The following SLIT3 variants were observed in gnomAD, a reference collection of about 807,000 sequenced individuals.
The protein encoded by SLIT3 is slit guidance ligand 3.
In SLIT3, 68 loss-of-function variants were observed where a neutral mutation model predicts 184.0. That is an observed-to-expected ratio of 0.37 (90% CI 0.30 to 0.45). SLIT3 has a LOEUF of 0.45. Ranked by LOEUF, SLIT3 falls within the 20% of genes least tolerant of loss-of-function variation. The probability of loss-of-function intolerance (pLI) is 1.00; values close to 1 mark genes in which losing one functional copy is unlikely to be tolerated. For synonymous variants in SLIT3, 831 were observed against 828.6 expected (o/e 1.00, Z -0.05); for missense variants, 1,707 against 2,026.0 (o/e 0.84, Z 3.02).
chr5:168,671,682 A>AT (rs1761252516), intron 33 of SLIT3, among the ~76,000 whole-genome samples, 199 bp from the exon 34 acceptor site: 1 of 152,230 alleles, frequency 6.6e-6, no homozygotes, highest in Non-Finnish European at 1.5e-5. Flanking sequence ...ACTCCTTAAA[A>AT]AAACGTGAAT....
chr5:169,092,236 C>A (rs1460588421), intron 4 of SLIT3, among the ~76,000 whole-genome samples: 2 of 152,072 alleles, frequency 1.3e-5, no homozygotes, highest in Admixed American at 6.6e-5. Flanking sequence ...AAAAAAGACT[C>A]AGAGGTAGGC....
chr5:168,940,264 T>A (rs1762289092), intron 4 of SLIT3, among the ~76,000 whole-genome samples: 2 of 152,228 alleles, frequency 1.3e-5, no homozygotes, highest in South Asian at 4.1e-4. Context: ...ACTGAAACGA[T>A]GAATTGTTTC....
chr5:169,022,187 A>C (rs1025637863), intron 4 of SLIT3: 1 of 152,278 alleles, frequency 6.6e-6, no homozygotes, highest in Admixed American at 6.5e-5. Flanking sequence ...CGCCTGAAAG[A>C]CAGCCTTCGA....
intron 4 of SLIT3, among the ~76,000 whole-genome samples, chr5:169,151,399 G>A (rs974970851): frequency 3.3e-5 from 5 of 152,104 alleles, no homozygotes; most frequent in Non-Finnish European, 7.4e-5. Context: ...GGGTTCTAAT[G>A]GCCTATCACA....
chr5:169,121,368 C>T (rs1196093301), intron 4 of SLIT3, among the ~76,000 whole-genome samples: 1 of 152,090 alleles, frequency 6.6e-6, no homozygotes, highest in Non-Finnish European at 1.5e-5. Flanking sequence ...GGCTTTAGAC[C>T]CATCGGCCAC....
intron 4 of SLIT3, among the ~76,000 whole-genome samples, chr5:169,073,083 G>T (rs1335652686): frequency 6.6e-6 from 1 of 152,130 alleles, no homozygotes; most frequent in Non-Finnish European, 1.5e-5. Flanking sequence ...AATCCTTCAG[G>T]CCAGATCCTT....
intron 23 of SLIT3, among the ~76,000 whole-genome samples, chr5:168,717,526 A>G (rs2611845): frequency 2.6e-5 from 4 of 152,190 alleles, no homozygotes; most frequent in African/African-American, 7.2e-5. Context: ...CCTGAGGGCA[A>G]CAATTGTGTC....
intron 4 of SLIT3, among the ~76,000 whole-genome samples, chr5:169,110,350 G>C (rs1190624819): frequency 6.6e-6 from 1 of 152,162 alleles, no homozygotes; most frequent in East Asian, 1.9e-4. Context: ...TAACAAAGTA[G>C]GTGCAATTTA....
intron 4 of SLIT3, among the ~76,000 whole-genome samples, chr5:168,996,680 G>A (rs1755521056): frequency 6.6e-6 from 1 of 152,142 alleles, no homozygotes; most frequent in Admixed American, 6.5e-5. Context: ...ATTTTTTAGT[G>A]GCCCTTCATA....
intron 4 of SLIT3, among the ~76,000 whole-genome samples, chr5:169,087,879 A>G (rs1329109173): frequency 6.6e-6 from 1 of 152,202 alleles, no homozygotes; most frequent in Non-Finnish European, 1.5e-5. Context: ...ATAATCAAAA[A>G]TAAGTGTTAG....
At chr5:168,701,780 A>C (rs1309752214) in intron 26 of SLIT3, among the ~76,000 whole-genome samples, 2 of 152,168 alleles carry the variant, frequency 1.3e-5, no homozygotes, top group African/African-American at 4.8e-5. Context: ...GTGGCTTGGC[A>C]CAGACCTGGT....
intron 8 of SLIT3, among the ~76,000 whole-genome samples, chr5:168,810,025 T>A (rs902220293): frequency 7.9e-5 from 12 of 152,260 alleles, no homozygotes; most frequent in South Asian, 4.1e-4. Flanking sequence ...TGAGCCTATC[T>A]CACTTGCACA....
chr5:168,950,860 A>T lies in SLIT3; in HGVS notation c.414-67524T>A, dbSNP rs10078318. ...ATGATTTATCTGCCTCTCATGGCTCAGCACAGTGTCGGATTCCATAAGTTG... is the reference window on the plus strand; with the variant it reads ...ATGATTTATCTGCCTCTCATGGCTCTGCACAGTGTCGGATTCCATAAGTTG... On this transcript the variant is annotated intron_variant, in intron 4 of 35. Coordinates refer to ENST00000519560, the MANE Select transcript of SLIT3 (RefSeq NM_003062.4). Among the ~76,000 whole-genome samples the T allele has an allele frequency of 5.9e-3, 905 of 152,344 alleles. 14 individuals carry two copies. The highest frequency in any genetic ancestry group is 0.021 in the African/African-American group (871 of 41,584).
At chr5:169,083,655 G>C (rs1454913508) in intron 4 of SLIT3, among the ~76,000 whole-genome samples, 3 of 152,266 alleles carry the variant, frequency 2.0e-5, no homozygotes, top group African/African-American at 7.2e-5. Flanking sequence ...GGCTCAGCGG[G>C]GAAGACCAAA....
intron 4 of SLIT3, among the ~76,000 whole-genome samples, chr5:169,104,088 G>C (rs1474786466): frequency 6.6e-6 from 1 of 152,208 alleles, no homozygotes; most frequent in East Asian, 1.9e-4. Context: ...CCCACAACAT[G>C]CTTCTCACTT....
intron 5 of SLIT3, among the ~76,000 whole-genome samples, chr5:168,868,773 G>GAA (rs1305177837): frequency 2.1e-5 from 3 of 144,258 alleles, no homozygotes; most frequent in African/African-American, 7.8e-5. Flanking sequence ...AAAAGAAAAA[G>GAA]AAAAAGAAAA....
chr5:169,280,566 G>A (rs1766963535), intron 1 of SLIT3, among the ~76,000 whole-genome samples: 1 of 152,148 alleles, frequency 6.6e-6, no homozygotes. Context: ...TGTAGTCTGG[G>A]AAGCTACACT....
Position 169,251,399 on chromosome 5 carries a change from G to T in SLIT3, c.258C>A (p.Asn86Lys). 3 of 1,611,822 alleles carry T rather than the reference G, an allele frequency of 1.9e-6. No homozygotes were observed. The highest frequency in any genetic ancestry group is 2.5e-6 in the Non-Finnish European group (3 of 1,177,918). Residue 86 changes from asparagine to lysine, a missense_variant, in exon 2 of 36, where the codon AAC (asparagine) becomes AAA (lysine). Physicochemically the swap from Asn to Lys is moderately conservative, Grantham distance 94. Coordinates refer to ENST00000519560, the MANE Select transcript of SLIT3 (RefSeq NM_003062.4). ...ITKMDFAGLK[N>K]LRVLHLEDNQ... ...CATCAACTACTTACAAGACTCGGAG[G>T]TTCTTGAGCCCAGCGAAGTCCATCT...
At chr5:168,959,815 C>T (rs572972281) in intron 4 of SLIT3, among the ~76,000 whole-genome samples, 16 of 152,162 alleles carry the variant, frequency 1.1e-4, no homozygotes, top group Non-Finnish European at 1.8e-4. Flanking sequence ...TGTGGCATTT[C>T]GTGCCATCCC....
Sources: allele counts gnomAD v4.1 joint callset (sites outside exome capture counted in the v4.1 genomes callset), GRCh38; gene constraint gnomAD v4.1.1; transcripts MANE v1.5; gene names NCBI Gene and HGNC (gene_info 2026-07-23, HGNC 2026-07-21).